PLCH1: variants seen among roughly 807,000 people sequenced by gnomAD.
PLCH1 encodes phospholipase C eta 1, also known as 1-phosphatidylinositol 4,5-bisphosphate phosphodiesterase eta-1.
A neutral mutation model predicts 126.7 loss-of-function variants in PLCH1; 60 were observed. That is an observed-to-expected ratio of 0.47 (90% CI 0.38 to 0.59). PLCH1 has a LOEUF of 0.59. PLCH1 is among the 20% of genes least tolerant of loss of function. PLCH1 has a pLI of 0.00. For missense variants in PLCH1, 1,723 were observed against 2,040.0 expected (o/e 0.84, Z 2.99); for synonymous variants, 719 against 734.9 (o/e 0.98, Z 0.35).
At chr3:155,669,413 T>TA (rs1054434793) in intron 2 of PLCH1, among the ~76,000 whole-genome samples, 13 of 152,024 alleles carry the variant, frequency 8.6e-5, no homozygotes, top group African/African-American at 3.1e-4. Flanking sequence ...ACCCCATCTC[T>TA]AAAAAAATAC....
At chr3:155,543,323 A>C (rs1280335381) in intron 10 of PLCH1, among the ~76,000 whole-genome samples, 2 of 152,224 alleles carry the variant, frequency 1.3e-5, no homozygotes, top group Admixed American at 1.3e-4. Flanking sequence ...TGAAGCGAGA[A>C]GGGAAGTTTA....
At chr3:155,585,972 T>G in intron 5 of PLCH1, 93 bp downstream of exon 5, 1 of 1,083,864 alleles carries the variant, frequency 9.2e-7, no homozygotes. Flanking sequence ...ATATATTAGC[T>G]TCCAACAAAA....
rs771517475 is a variant in PLCH1, at chr3:155,492,847, A to C, written c.2189T>G (p.Phe730Cys). ...LKPQQMCKGT[F>C]NPFSGDPLPA... is the part of the protein sequence containing the mutation. ...AAGAGGGTCACCAGAGAAAGGGTTG[A>C]AAGTACCTAGGCCAAGTAAAGTATA... Residue 730 changes from phenylalanine to cysteine, a missense_variant, in exon 18 of 23, where the codon TTC (phenylalanine) becomes TGC (cysteine). By Grantham distance (205) the Phe-to-Cys change is radical (BLOSUM62 -2). Around this residue, in one of 2 missense-constraint regions of PLCH1, gnomAD observed 776 missense variants for 1,062.9 expected, o/e 0.73. Transcript: ENST00000460012. The C allele has an allele frequency of 6.3e-7, 1 of 1,598,642 alleles. No individual in the cohort carries two copies. The highest frequency in any genetic ancestry group is 8.5e-7 in the Non-Finnish European group (1 of 1,173,756).
Position 155,514,901 on chromosome 3 carries a change from A to T in PLCH1, c.1471-17T>A, listed in dbSNP as rs1298917093. On this transcript the variant is annotated splice_polypyrimidine_tract_variant and intron_variant, in intron 11 of 22. Coordinates refer to ENST00000460012, the MANE Select transcript of PLCH1 (RefSeq NM_014996.4). ...CCCATTACTCTGCAAAGAATTAAGT[A>T]ACACAAATGATTTCCTTAAGAAACA... The T allele has an allele frequency of 6.5e-7, 1 of 1,548,434 alleles. No individual in the cohort carries two copies.
intron 7 of PLCH1, among the ~76,000 whole-genome samples, chr3:155,566,725 G>GT (rs1221932155): frequency 6.6e-6 from 1 of 152,006 alleles, no homozygotes; most frequent in Admixed American, 6.6e-5. Flanking sequence ...AACCCTATCA[G>GT]TTTTTTTACA....
At chr3:155,554,296 A>C (rs1726526179) in intron 8 of PLCH1, 100 bp from the exon 9 acceptor site, 1 of 1,143,960 alleles carries the variant, frequency 8.7e-7, no homozygotes, top group African/African-American at 1.5e-5. Flanking sequence ...ATCTGAAATT[A>C]TACCCATTTC....
At chr3:155,499,741 T>C (rs1245283099) in intron 14 of PLCH1, among the ~76,000 whole-genome samples, 1 of 152,186 alleles carries the variant, frequency 6.6e-6, no homozygotes, top group Non-Finnish European at 1.5e-5. Flanking sequence ...TTTCTCAAAC[T>C]TACATATGAC....
In PLCH1 at chr3:155,514,805, C is replaced by A; in HGVS notation, c.1550G>T (p.Arg517Leu). 3 of 1,613,114 alleles carry A rather than the reference C, an allele frequency of 1.9e-6. No homozygotes were observed. Among genetic ancestry groups the A allele is most frequent in the Non-Finnish European group, 2.5e-6 (3 of 1,179,246 alleles). The change falls in exon 12 of 23, where the codon CGA becomes CTA. Residue 517 changes from arginine (R) to leucine (L), a missense_variant. Arg to Leu is a moderately radical substitution (Grantham distance 102, BLOSUM62 -2). Coordinates refer to ENST00000460012, the MANE Select transcript of PLCH1 (RefSeq NM_014996.4). ...LESLLKESQI[R>L]DKEDPDSFTV... is the part of the protein sequence containing the mutation. ...GAAACTATCAGGATCTTCTTTATCTCGAATTTGAGATTCTTTTAACAGTGA... is the reference window on the plus strand; with the variant it reads ...GAAACTATCAGGATCTTCTTTATCTAGAATTTGAGATTCTTTTAACAGTGA...
intron 5 of PLCH1, among the ~76,000 whole-genome samples, chr3:155,585,077 C>A (rs1404604157): frequency 6.6e-6 from 1 of 152,166 alleles, no homozygotes; most frequent in Admixed American, 6.5e-5. Context: ...AAATCTCATT[C>A]CTTCCTCCTC....
chr3:155,522,960 T>TTG (rs1338091459), intron 11 of PLCH1, among the ~76,000 whole-genome samples: 3 of 119,720 alleles, frequency 2.5e-5, no homozygotes, highest in African/African-American at 1.2e-4. Flanking sequence ...TTTTCTTTTT[T>TTG]TGCGGGGGGG....
intron 21 of PLCH1, among the ~76,000 whole-genome samples, chr3:155,472,026 G>T (rs747647600): frequency 6.6e-6 from 1 of 152,138 alleles, no homozygotes; most frequent in Non-Finnish European, 1.5e-5. Flanking sequence ...AACTAGAAAA[G>T]CAAGAGCAAA....
intron 21 of PLCH1, among the ~76,000 whole-genome samples, chr3:155,473,252 T>C (rs1713365749): frequency 6.6e-6 from 1 of 151,054 alleles, no homozygotes; most frequent in South Asian, 2.1e-4. Flanking sequence ...AAAATCAATG[T>C]ACAAAAATCA....
chr3:155,586,739 C>T (rs752048223), intron 4 of PLCH1, among the ~76,000 whole-genome samples: 1 of 152,030 alleles, frequency 6.6e-6, no homozygotes, highest in Admixed American at 6.6e-5. Flanking sequence ...CCCTCCATTG[C>T]GAAATGAGAG....
At chr3:155,701,908 G>T (rs186363268) in intron 2 of PLCH1, among the ~76,000 whole-genome samples, 68 of 152,220 alleles carry the variant, frequency 4.5e-4, no homozygotes, top group Non-Finnish European at 7.9e-4. Flanking sequence ...AATCCAAAAT[G>T]ATATTTTACA....
chr3:155,640,025 C>G (rs941299768), intron 2 of PLCH1, among the ~76,000 whole-genome samples: 4 of 152,214 alleles, frequency 2.6e-5, no homozygotes, highest in Admixed American at 1.3e-4. Flanking sequence ...GCTTTCTGTA[C>G]AGCCTGCAGA....
rs117849641 is a variant in PLCH1 at position 155,541,371 on chromosome 3, C to T, written c.1362+8416G>A. Among the ~76,000 whole-genome samples the T allele has an allele frequency of 1.2e-3, 185 of 152,282 alleles. 3 individuals carry two copies. In the East Asian group the frequency reaches 0.033, roughly 27 times the overall value. ...TGTAACCAAACACTACCTGTTCCCA[C>T]AAAACCTACTGAAATTAATAAATAT... On this transcript the variant is annotated intron_variant, in intron 10 of 22. Coordinates refer to ENST00000460012, the MANE Select transcript of PLCH1 (RefSeq NM_014996.4).
chr3:155,604,380 A>AT (rs537066060), intron 2 of PLCH1, among the ~76,000 whole-genome samples: 6 of 151,960 alleles, frequency 3.9e-5, no homozygotes, highest in Admixed American at 3.9e-4. Flanking sequence ...GAGTTTGTTA[A>AT]TTTTTTTTCA....
chr3:155,691,448 G>A (rs1478795323), intron 2 of PLCH1, among the ~76,000 whole-genome samples: 2 of 152,128 alleles, frequency 1.3e-5, no homozygotes, highest in Admixed American at 6.5e-5. Context: ...ATGCAAAGCC[G>A]GAGATATTGT....
At chr3:155,590,374 A>C (rs359563) in intron 4 of PLCH1, among the ~76,000 whole-genome samples, 7 of 151,920 alleles carry the variant, frequency 4.6e-5, no homozygotes, top group East Asian at 3.9e-4. Flanking sequence ...GTCAGGAGAT[A>C]GAGACCATCC....
Sources: allele counts gnomAD v4.1 joint callset (sites outside exome capture counted in the v4.1 genomes callset), GRCh38; gene constraint gnomAD v4.1.1; regional missense constraint gnomAD v4.1.1; transcripts MANE v1.5; gene names NCBI Gene and HGNC (gene_info 2026-07-23, HGNC 2026-07-21).